UGGT2: variants seen among roughly 807,000 people sequenced by gnomAD.
The protein encoded by UGGT2 is UDP-glucose glycoprotein glucosyltransferase 2, also known as UDP-glucose:glycoprotein glucosyltransferase 2.
In UGGT2, 180 loss-of-function variants were observed where a neutral mutation model predicts 192.1. The ratio of observed to expected loss-of-function variants is 0.94; its 90% CI spans 0.83 to 1.06. The LOEUF is 1.06. UGGT2 is among the 50% of genes least tolerant of loss of function. The pLI, the probability that UGGT2 is intolerant of heterozygous loss-of-function variation, is 0.00. For synonymous variants in UGGT2, 580 were observed against 591.0 expected (o/e 0.98, Z 0.27); for missense variants, 1,849 against 1,795.7 (o/e 1.03, Z -0.54).
At chr13:95,823,767 T>C (rs2139814047) in intron 38 of UGGT2, among the ~76,000 whole-genome samples, 1 of 152,250 alleles carries the variant, frequency 6.6e-6, no homozygotes, top group East Asian at 1.9e-4. Context: ...TCAATGTTAA[T>C]AGAGATATGG....
chr13:95,976,918 T>C (rs967868281), intron 10 of UGGT2, among the ~76,000 whole-genome samples: 29 of 152,154 alleles, frequency 1.9e-4, no homozygotes, highest in Middle Eastern at 3.2e-3. Context: ...CATCTGATCT[T>C]CGACAAACCT....
intron 20 of UGGT2, among the ~76,000 whole-genome samples, chr13:95,904,097 T>A (rs1223216216): frequency 1.3e-5 from 2 of 152,104 alleles, no homozygotes; most frequent in Non-Finnish European, 2.9e-5. Flanking sequence ...AGGGCTTTTT[T>A]TGGTTATATG....
At position 96,053,262 on chromosome 13, in the gene UGGT2, T is replaced by C. The variant is rs753813711; in HGVS notation, c.51A>G (p.Thr17=). ...AGCCGAGCTGCGAAAGCCACAGCGCTGTGGAGCCTAGTAGCAGCCGCACCA... is the reference window on the plus strand; with the variant it reads ...AGCCGAGCTGCGAAAGCCACAGCGCCGTGGAGCCTAGTAGCAGCCGCACCA... The part of the protein sequence containing the change: ...TNVVRLLLGS[T]ALWLSQLGSG... The change falls in exon 1 of 39, where the codon ACA becomes ACG. Residue 17 remains threonine (T), a synonymous_variant. Transcript: ENST00000376747. 1.9e-6 allele frequency: 3 copies of C among 1,570,806 alleles called. No homozygotes were observed. The highest frequency in any genetic ancestry group is 2.6e-6 in the Non-Finnish European group (3 of 1,166,406).
In UGGT2 at chr13:96,026,961, G is replaced by A. The variant is rs546301768; in HGVS notation, c.242-3202C>T. On this transcript the variant is annotated intron_variant, in intron 2 of 38. Transcript: ENST00000376747. Reference sequence around the variant, plus strand: ...GCTGGGATTACAGGCGTGAGCCACCGCGCCCAGCCCACTCTTAATTCTTTA... The same window carrying A: ...GCTGGGATTACAGGCGTGAGCCACCACGCCCAGCCCACTCTTAATTCTTTA... 8.4e-4 allele frequency among the ~76,000 whole-genome samples: 128 copies of A among 152,222 alleles called. 1 individual carries two copies. Among genetic ancestry groups the A allele is most frequent in the Non-Finnish European group, 2.8e-4 (19 of 68,006 alleles).
intron 24 of UGGT2, 73 bp from the exon 25 acceptor site, chr13:95,891,037 T>C (rs2047786963): frequency 2.9e-6 from 3 of 1,027,184 alleles, no homozygotes; most frequent in South Asian, 3.5e-5. Context: ...ATCTTAGCTA[T>C]ATAATTCTTA....
chr13:95,967,539 T>C (rs1210352404), intron 12 of UGGT2, among the ~76,000 whole-genome samples: 2 of 146,628 alleles, frequency 1.4e-5, no homozygotes, highest in Admixed American at 7.0e-5. Context: ...AGTAGGGCGA[T>C]CCTGGCTCAC....
At chr13:95,909,363 C>A (rs2048399950) in intron 20 of UGGT2, among the ~76,000 whole-genome samples, 1 of 151,516 alleles carries the variant, frequency 6.6e-6, no homozygotes, top group South Asian at 2.1e-4. Context: ...AAATGTCCAA[C>A]AATGATAGAC....
At chr13:95,893,809 A>AATAT (rs2047871460) in intron 24 of UGGT2, among the ~76,000 whole-genome samples, 1 of 152,122 alleles carries the variant, frequency 6.6e-6, no homozygotes, top group Non-Finnish European at 1.5e-5. Context: ...TCTCATAGAG[A>AATAT]ATATGGGCAT....
intron 1 of UGGT2, 27 bp from the exon 2 acceptor site, chr13:96,031,998 T>TA: frequency 1.3e-6 from 2 of 1,534,730 alleles, no homozygotes; most frequent in Non-Finnish European, 1.8e-6. Context: ...AGTAATCGGT[T>TA]AGTAGATGGA....
chr13:96,014,510 T>C (rs2052266122), intron 4 of UGGT2, among the ~76,000 whole-genome samples: 1 of 152,186 alleles, frequency 6.6e-6, no homozygotes, highest in Non-Finnish European at 1.5e-5. Context: ...CCACAGTTAT[T>C]TGGCTTAGAA....
intron 16 of UGGT2, among the ~76,000 whole-genome samples, chr13:95,938,099 T>A (rs1406174398): frequency 6.6e-6 from 1 of 152,246 alleles, no homozygotes; most frequent in Non-Finnish European, 1.5e-5. Flanking sequence ...GCCTTTCACC[T>A]TCTGCCATGA....
At chr13:95,886,116 G>A (rs1416377209) in intron 26 of UGGT2, among the ~76,000 whole-genome samples, 1 of 152,160 alleles carries the variant, frequency 6.6e-6, no homozygotes, top group Non-Finnish European at 1.5e-5. Context: ...GATCAAAACA[G>A]AGTGGGAATG....
At chr13:95,886,926 G>A (rs1369242255) in intron 26 of UGGT2, among the ~76,000 whole-genome samples, 5 of 152,004 alleles carry the variant, frequency 3.3e-5, no homozygotes, top group African/African-American at 7.2e-5. Context: ...GTGGTGGCAC[G>A]TACCTGTAGT....
intron 1 of UGGT2, among the ~76,000 whole-genome samples, chr13:96,038,910 C>G (rs1361475501): frequency 6.6e-6 from 1 of 152,118 alleles, no homozygotes; most frequent in Non-Finnish European, 1.5e-5. Flanking sequence ...ATGGGTGAGA[C>G]TCTGGGTATG....
chr13:95,935,316 G>A (rs1257288947), intron 17 of UGGT2, among the ~76,000 whole-genome samples: 1 of 152,134 alleles, frequency 6.6e-6, no homozygotes, highest in Non-Finnish European at 1.5e-5. Context: ...GTGTGTTTTT[G>A]TACCATTCTT....
intron 20 of UGGT2, among the ~76,000 whole-genome samples, chr13:95,909,747 TATA>T (rs148389354): frequency 0.017 from 1,828 of 109,346 alleles, 23 homozygotes; most frequent in Non-Finnish European, 0.024. Context: ...AAACTTGAAG[TATA>T]ATAATAATAA....
chr13:95,982,827 T>G (rs1002777982), intron 10 of UGGT2, among the ~76,000 whole-genome samples: 1 of 152,144 alleles, frequency 6.6e-6, no homozygotes, highest in African/African-American at 2.4e-5. Context: ...CACAGGAATT[T>G]GTAAGGTGGT....
At position 95,853,644 on chromosome 13, in the gene UGGT2, C is replaced by T; in HGVS notation, c.4183G>A (p.Val1395Met). ...ATTCTCCTGAACTTCTTGAGATCCA[C>T]TACATATAAAGCACTGCAAAAATGA... ...RKYHISALYV[V>M]DLKKFRRIGA... The change falls in exon 36 of 39, where the codon GTG becomes ATG. Residue 1395 changes from valine (V) to methionine (M), a missense_variant. Val to Met is a conservative substitution (Grantham distance 21). Transcript: ENST00000376747. 1.3e-6 allele frequency: 2 copies of T among 1,576,080 alleles called. No homozygotes were observed. The highest frequency in any genetic ancestry group is 1.7e-6 in the Non-Finnish European group (2 of 1,167,662).
intron 29 of UGGT2, among the ~76,000 whole-genome samples, chr13:95,870,663 G>C (rs758033677): frequency 3.9e-5 from 6 of 152,128 alleles, no homozygotes; most frequent in African/African-American, 1.4e-4. Context: ...AGCTTGCTCC[G>C]CCAGTCCTTC....
Sources: allele counts gnomAD v4.1 joint callset (sites outside exome capture counted in the v4.1 genomes callset), GRCh38; gene constraint gnomAD v4.1.1; transcripts MANE v1.5; gene names NCBI Gene and HGNC (gene_info 2026-07-23, HGNC 2026-07-21).